The following MYH11 variants were observed in gnomAD, a reference collection of about 807,000 sequenced individuals.
The protein encoded by MYH11 is myosin-11.
A neutral mutation model predicts 246.6 loss-of-function variants in MYH11; 80 were observed. That is an observed-to-expected ratio of 0.32 (90% CI 0.27 to 0.39). The LOEUF (loss-of-function observed/expected upper bound fraction) is 0.39. Among genes scored for constraint, MYH11 ranks in the 10% least tolerant of loss-of-function variants. MYH11 has a pLI of 1.00. For synonymous variants in MYH11, 1,071 were observed against 1,015.5 expected (o/e 1.05, Z -1.04); for missense variants, 2,158 against 2,546.8 (o/e 0.85, Z 3.29).
chr16:15,850,476 C>T (rs215571), intron 1 of MYH11, among the ~76,000 whole-genome samples: 73,141 of 152,112 alleles, frequency 0.48, 20,084 homozygotes, highest in Non-Finnish European at 0.61. Context: ...CAGCTTCCCT[C>T]AGGATTTTAC....
intron 27 of MYH11, 151 bp from the exon 28 acceptor site, chr16:15,727,205 TTA>T: frequency 1.3e-5 from 9 of 704,486 alleles, no homozygotes; most frequent in South Asian, 1.7e-5. Context: ...TTTTTTGTTG[TTA>T]TTTTTTTTTT....
At position 15,837,334 on chromosome 16, in the gene MYH11, G is replaced by A. The variant is rs572126324; in HGVS notation, c.345+574C>T. Among the ~76,000 whole-genome samples the A allele has an allele frequency of 2.2e-4, 33 of 152,246 alleles. No homozygotes were observed. In the South Asian group the frequency reaches 4.4e-3, roughly 20 times the overall value. On this transcript the variant is annotated intron_variant, in intron 2 of 40. Transcript: ENST00000300036. ...GAAATCTGTTGAGAGTTTATCATAC[G>A]TCTTGGCACTTGGCACATGTGATGA... is the stretch of plus-strand genomic sequence containing the variant.
intron 3 of MYH11, among the ~76,000 whole-genome samples, chr16:15,804,491 C>T (rs367545991): frequency 7.2e-5 from 11 of 152,230 alleles, no homozygotes; most frequent in African/African-American, 2.6e-4. Context: ...CACTGCACTC[C>T]AGCCTGGGTG....
chr16:15,750,443 AT>A lies in MYH11; in HGVS notation c.1865-113del. Reference sequence around the variant, plus strand: ...CCTGCCCACTCCAATCTTTCCTTCCATCACCAACGCCTCCTTCGGCAGTCAG... The same window carrying A: ...CCTGCCCACTCCAATCTTTCCTTCCACACCAACGCCTCCTTCGGCAGTCAG... On this transcript the variant is annotated intron_variant, in intron 15 of 40. Transcript: ENST00000300036. The surrounding 1 kb of genome is among the most constrained non-coding windows in gnomAD (Gnocchi z 4.3). 4.8e-6 allele frequency: 5 copies of A among 1,041,962 alleles called. No homozygotes were observed. Among genetic ancestry groups the A allele is most frequent in the Non-Finnish European group, 5.7e-6 (4 of 702,110 alleles). 64.5% of individuals were successfully genotyped at this position (1,041,962 alleles called of 1,614,324 possible).
At chr16:15,778,971 C>G in intron 6 of MYH11, 128 bp from the exon 7 acceptor site, 1 of 874,842 alleles carries the variant, frequency 1.1e-6, no homozygotes, top group Non-Finnish European at 1.9e-6. Flanking sequence ...TGCGAACACT[C>G]AGAACCCCAC....
chr16:15,714,801 G>A (rs1326260452), intron 40 of MYH11, 108 bp downstream of exon 40: 3 of 1,329,756 alleles, frequency 2.3e-6, no homozygotes, highest in Non-Finnish European at 2.1e-6. Flanking sequence ...ACAGAAGGGA[G>A]TGGCGGCTGT....
intron 38 of MYH11, among the ~76,000 whole-genome samples, chr16:15,716,515 GT>G (rs1286085792): frequency 2.6e-5 from 4 of 151,654 alleles, no homozygotes. Flanking sequence ...GTTTTTTGGG[GT>G]TTTTTTTGTG....
At position 15,786,746 on chromosome 16, in the gene MYH11, G is replaced by C. The variant is rs2042478830; in HGVS notation, c.531-14C>G. The C allele has an allele frequency of 1.9e-6, 3 of 1,610,354 alleles. No individual in the cohort carries two copies. On this transcript the variant is annotated splice_polypyrimidine_tract_variant and intron_variant, in intron 4 of 40. Transcript: ENST00000300036. ...CCAGACTCGCCTCTGAAAGACACGG[G>C]AACATCATCTATGCACACGTTCCAT...
At chr16:15,780,472 C>G in intron 6 of MYH11, among the ~76,000 whole-genome samples, 1 of 96,574 alleles carries the variant, frequency 1.0e-5, no homozygotes, top group African/African-American at 4.1e-5. Context: ...TAGATTTTTA[C>G]GCTTTTTTTT....
chr16:15,786,751 T>A lies in MYH11; in HGVS notation c.531-19A>T. The stretch of plus-strand genomic sequence containing the variant: ...CTCGCCTCTGAAAGACACGGGAACA[T>A]CATCTATGCACACGTTCCATGGTGA... On this transcript the variant is annotated intron_variant, in intron 4 of 40. Coordinates refer to ENST00000300036, the MANE Select transcript of MYH11 (RefSeq NM_002474.3). 6.2e-7 allele frequency: 1 copy of A among 1,605,698 alleles called. No homozygotes were observed. The highest frequency in any genetic ancestry group is 8.5e-7 in the Non-Finnish European group (1 of 1,172,972).
At chr16:15,829,731 C>CT (rs1393930789) in intron 2 of MYH11, among the ~76,000 whole-genome samples, 1 of 152,148 alleles carries the variant, frequency 6.6e-6, no homozygotes, top group Admixed American at 6.6e-5. Context: ...TTCTCTGACG[C>CT]TTTATATGGT....
chr16:15,715,280 C>T lies in MYH11; in HGVS notation c.5505-8G>A. On this transcript the variant is annotated splice_polypyrimidine_tract_variant and splice_region_variant and intron_variant, in intron 38 of 40. Coordinates refer to ENST00000300036, the MANE Select transcript of MYH11 (RefSeq NM_002474.3). ...GTGGCCGCCTGTTTCTCTCTGCAAACAGCAAGGAAAACAGGTGGTTTCAGC... is the reference window on the plus strand; with the variant it reads ...GTGGCCGCCTGTTTCTCTCTGCAAATAGCAAGGAAAACAGGTGGTTTCAGC... 1 of 1,613,866 alleles carries T rather than the reference C, an allele frequency of 6.2e-7. No individual in the cohort carries two copies. The highest frequency in any genetic ancestry group is 2.2e-5 in the East Asian group (1 of 44,902).
chr16:15,757,511 A>T (rs1289659378), intron 13 of MYH11, among the ~76,000 whole-genome samples: 275 of 53,334 alleles, frequency 5.2e-3, no homozygotes, highest in African/African-American at 0.025. Flanking sequence ...CATGTCATAA[A>T]AAAAAAAAAA....
Position 15,720,944 on chromosome 16 carries a change from T to G in MYH11, c.4686A>C (p.Lys1562Asn). ...EDELQATEDA[K>N]LRLEVNMQAL... ...CCTGCATGTTGACTTCCAGCCGCAG[T>G]TTGGCGTCCTCCGTGGCTTGCAGCT... Residue 1562 changes from lysine to asparagine, a missense_variant, in exon 33 of 41, where the codon AAA becomes AAC. Physicochemically the swap from Lys to Asn is moderately conservative, Grantham distance 94 (BLOSUM62 0). Around this residue, in one of 11 missense-constraint regions of MYH11, gnomAD observed 1,013 missense variants for 993.5 expected, o/e 1.02. Transcript: ENST00000300036. The G allele has an allele frequency of 1.2e-6, 2 of 1,614,040 alleles. No individual in the cohort carries two copies. Among genetic ancestry groups the G allele is most frequent in the Non-Finnish European group, 1.7e-6 (2 of 1,180,012 alleles).
intron 2 of MYH11, among the ~76,000 whole-genome samples, chr16:15,828,200 GA>G (rs1226452433): frequency 1.3e-5 from 2 of 152,144 alleles, no homozygotes; most frequent in Non-Finnish European, 2.9e-5. Context: ...ACAAAACAGG[GA>G]GGCATACGAA....
In MYH11 at chr16:15,759,505, A is replaced by C. The variant is rs866140844; in HGVS notation, c.1401+71T>G. 1.9e-6 allele frequency: 3 copies of C among 1,606,172 alleles called. 1 individual carries two copies. In the Middle Eastern group the frequency reaches 5.0e-4, roughly 266 times the overall value. On this transcript the variant is annotated intron_variant, in intron 12 of 40. Transcript: ENST00000300036. ...CATCTACATGCCTTTCTCCAAAATC[A>C]TGACTCCTCCAAGAAAAAGCCCATC...
intron 16 of MYH11, among the ~76,000 whole-genome samples, chr16:15,748,712 C>T (rs141743681): frequency 6.6e-6 from 1 of 152,082 alleles, no homozygotes; most frequent in Non-Finnish European, 1.5e-5. Context: ...AACTCCTGGG[C>T]TCAAGTGATC....
At chr16:15,748,370 C>T (rs1052879385) in intron 16 of MYH11, among the ~76,000 whole-genome samples, 4 of 152,206 alleles carry the variant, frequency 2.6e-5, no homozygotes, top group African/African-American at 9.6e-5. Context: ...CAATGGCTGC[C>T]TCATGATCTC....
chr16:15,725,413 C>T (rs1596734388), intron 28 of MYH11: 8 of 506,544 alleles, frequency 1.6e-5, no homozygotes, highest in African/African-American at 3.9e-5. Context: ...GGTACTTGAA[C>T]GTCCCAGGGA....
Sources: gnomAD v4.1 joint callset for allele counts (sites outside exome capture counted in the v4.1 genomes callset) on GRCh38, gnomAD v4.1.1 for gene constraint, gnomAD v4.1.1 regional missense constraint, Gnocchi (gnomAD v3.1) non-coding constraint, MANE v1.5 for transcripts, NCBI Gene and HGNC (gene_info 2026-07-23, HGNC 2026-07-21) for gene names.